Variants in SH3D19 observed in about 807,000 individuals in gnomAD.
The protein encoded by SH3D19 is SH3 domain containing 19, also known as SH3 domain-containing protein 19.
In SH3D19, 58 loss-of-function variants were observed where a neutral mutation model predicts 112.1. That is an observed-to-expected ratio of 0.52 (90% CI 0.42 to 0.64). SH3D19 has a LOEUF of 0.64. Ranked by LOEUF, SH3D19 falls within the 30% of genes least tolerant of loss-of-function variation. SH3D19 has a pLI of 0.00. For synonymous variants in SH3D19, 391 were observed against 448.5 expected, an observed-to-expected ratio of 0.87 and a Z score of 1.62; for missense variants, 1,090 against 1,263.4, an observed-to-expected ratio of 0.86 and a Z score of 2.08.
intron 12 of SH3D19, chr4:151,140,127 T>G: frequency 2.9e-6 from 1 of 345,764 alleles, no homozygotes; most frequent in Non-Finnish European, 5.3e-6. Flanking sequence ...AAAAGGGAAC[T>G]GTTTATTTAT....
intron 1 of SH3D19, among the ~76,000 whole-genome samples, chr4:151,287,184 T>C (rs958044264): frequency 2.2e-4 from 33 of 150,870 alleles, no homozygotes. Flanking sequence ...CTATTAAAAA[T>C]ACAAAAATTA....
intron 1 of SH3D19, among the ~76,000 whole-genome samples, chr4:151,268,460 C>CT (rs1409420322): frequency 6.6e-6 from 1 of 151,684 alleles, no homozygotes; most frequent in Admixed American, 6.6e-5. Context: ...TATTATTATA[C>CT]TTTAAGTTTT....
At chr4:151,229,310 A>G (rs1769404796) in intron 1 of SH3D19, among the ~76,000 whole-genome samples, 1 of 152,234 alleles carries the variant, frequency 6.6e-6, no homozygotes, top group Non-Finnish European at 1.5e-5. Flanking sequence ...AAAAAGAGTT[A>G]TTAAAAATAA....
At chr4:151,286,202 A>C (rs1561432305) in intron 1 of SH3D19, among the ~76,000 whole-genome samples, 4 of 150,456 alleles carry the variant, frequency 2.7e-5, no homozygotes, top group South Asian at 2.1e-4. Flanking sequence ...AAAAAAAAAA[A>C]AACAACTAAA....
chr4:151,261,728 C>T (rs1471230992), intron 1 of SH3D19, among the ~76,000 whole-genome samples: 1 of 152,142 alleles, frequency 6.6e-6, no homozygotes, highest in Non-Finnish European at 1.5e-5. Context: ...TTATTGATAC[C>T]TGCTTTTGTT....
intron 2 of SH3D19, among the ~76,000 whole-genome samples, chr4:151,214,465 C>T (rs1199997757): frequency 0.027 from 371 of 13,520 alleles, 24 homozygotes; most frequent in African/African-American, 0.034. Context: ...GGGGGGCTGA[C>T]CCCCCACCTC....
At chr4:151,279,870 G>A in intron 1 of SH3D19, 2 of 1,613,926 alleles carry the variant, frequency 1.2e-6, no homozygotes, top group Non-Finnish European at 1.7e-6. Flanking sequence ...GCCTTGGCAG[G>A]TCAGCCTACA....
intron 7 of SH3D19, chr4:151,165,916 T>G (rs1666580091): frequency 2.2e-6 from 1 of 462,326 alleles, no homozygotes; most frequent in Non-Finnish European, 3.9e-6. Flanking sequence ...TCCTCTCTGA[T>G]GAGAGAGATT....
chr4:151,199,876 T>A (rs1185379195), intron 2 of SH3D19, among the ~76,000 whole-genome samples: 1 of 152,202 alleles, frequency 6.6e-6, no homozygotes, highest in Non-Finnish European at 1.5e-5. Flanking sequence ...AATGTTTGTA[T>A]CCCCATCAAA....
intron 1 of SH3D19, among the ~76,000 whole-genome samples, chr4:151,300,837 A>G (rs1008968789): frequency 3.3e-5 from 5 of 152,244 alleles, no homozygotes. Context: ...GGAACAGGAC[A>G]GTGGCAATGA....
intron 1 of SH3D19, among the ~76,000 whole-genome samples, chr4:151,290,104 G>A (rs1305210302): frequency 6.6e-6 from 1 of 152,142 alleles, no homozygotes; most frequent in African/African-American, 2.4e-5. Flanking sequence ...TGCCACCATA[G>A]CAGCTATTTA....
chr4:151,259,922 G>T (rs1431747074), intron 1 of SH3D19, among the ~76,000 whole-genome samples: 1 of 152,064 alleles, frequency 6.6e-6, no homozygotes, highest in Non-Finnish European at 1.5e-5. Flanking sequence ...CATCCCCCAG[G>T]AAGGGCTCCT....
Position 151,175,542 on chromosome 4 carries a change from G to A in SH3D19, c.662C>T (p.Thr221Ile), listed in dbSNP as rs542069763. ...EPNCPENPSA[T>I]RCPVPKPRSK... ...TCTTGGTTTTGGCACTGGACATCTTGTAGCACTGGGGTTTTCTGGACAATT... is the reference window on the plus strand; with the variant it reads ...TCTTGGTTTTGGCACTGGACATCTTATAGCACTGGGGTTTTCTGGACAATT... Residue 221 changes from threonine (T) to isoleucine (I), a missense_variant, in exon 7 of 20, where the codon ACA becomes ATA. By Grantham distance (89) the Thr-to-Ile change is moderately conservative. Transcript: ENST00000604030. 93 of 1,394,158 alleles carry A rather than the reference G, an allele frequency of 6.7e-5. No homozygotes were observed. The highest frequency in any genetic ancestry group is 8.6e-5 in the Non-Finnish European group (93 of 1,080,198). The allele number at this position is 1,394,158 out of a possible 1,614,324, so 86.4% of individuals were successfully genotyped here. A position where few individuals can be genotyped will look rare whatever the true frequency, so the allele number is the denominator to read the frequency against.
chr4:151,137,622 A>G lies in SH3D19; in HGVS notation c.2427+110T>C, dbSNP rs996217838. The G allele has an allele frequency of 1.2e-5, 10 of 829,834 alleles. No individual in the cohort carries two copies. In the African/African-American group the frequency reaches 1.6e-4, roughly 13 times the overall value. 51.4% of individuals were successfully genotyped at this position (829,834 alleles called of 1,614,324 possible). On this transcript the variant is annotated intron_variant, in intron 14 of 19. Coordinates refer to ENST00000604030, the MANE Select transcript of SH3D19 (RefSeq NM_001378122.1). ...TTTGAATTTTCCAAATGCCAAATGA[A>G]TCAATGAAAGAGAACTAGAATCTGG...
chr4:151,283,119 A>G, intron 1 of SH3D19: 1 of 1,613,590 alleles, frequency 6.2e-7, no homozygotes, highest in Non-Finnish European at 8.5e-7. Flanking sequence ...CTCCACAGAT[A>G]GAGATTACCA....
chr4:151,231,998 A>T (rs1769649133), intron 1 of SH3D19, among the ~76,000 whole-genome samples: 1 of 152,138 alleles, frequency 6.6e-6, no homozygotes. Flanking sequence ...AGACTGGCCA[A>T]CATGGTGAAA....
At chr4:151,238,073 G>A (rs1045055331) in intron 1 of SH3D19, among the ~76,000 whole-genome samples, 1 of 152,118 alleles carries the variant, frequency 6.6e-6, no homozygotes, top group African/African-American at 2.4e-5. Context: ...AGAGCTAAAA[G>A]GCAGACAGAT....
rs190491845 is a variant in SH3D19 at position 151,131,783 on chromosome 4, C to T, written c.2742+548G>A. On this transcript the variant is annotated intron_variant, in intron 17 of 19. Coordinates refer to ENST00000604030, the MANE Select transcript of SH3D19 (RefSeq NM_001378122.1). The stretch of plus-strand genomic sequence containing the variant: ...GATTACAGGCATGAGCCACCGCGCA[C>T]AGCCTCTTTTATGAATTCTCTAATC... Among the ~76,000 whole-genome samples the T allele has an allele frequency of 1.8e-4, 28 of 152,012 alleles. No individual in the cohort carries two copies. The Middle Eastern group carries it at 0.01, about 55-fold the overall frequency.
At chr4:151,146,602 G>A (rs1422761897) in intron 11 of SH3D19, among the ~76,000 whole-genome samples, 5 of 152,106 alleles carry the variant, frequency 3.3e-5, no homozygotes, top group African/African-American at 9.7e-5. Context: ...GCACAATCTC[G>A]GCTCACTGCA....
Sources: allele counts gnomAD v4.1 joint callset (sites outside exome capture counted in the v4.1 genomes callset), GRCh38; gene constraint gnomAD v4.1.1; transcripts MANE v1.5; gene names NCBI Gene and HGNC (gene_info 2026-07-23, HGNC 2026-07-21).